EPB41L4A: variants seen among roughly 807,000 people sequenced by gnomAD.
The protein encoded by EPB41L4A is erythrocyte membrane protein band 4.1 like 4A, also known as band 4.1-like protein 4A.
In EPB41L4A, 100 loss-of-function variants were observed where a neutral mutation model predicts 108.6. The observed-to-expected ratio is 0.92, with a 90% CI of 0.78 to 1.09. EPB41L4A has a LOEUF of 1.09. Among genes scored for constraint, EPB41L4A ranks in the 50% least tolerant of loss-of-function variants. The pLI, the probability that EPB41L4A is intolerant of heterozygous loss-of-function variation, is 0.00. For missense variants in EPB41L4A, 1,030 were observed against 842.7 expected (o/e 1.22, Z -2.75); for synonymous variants, 319 against 289.0 (o/e 1.10, Z -1.05).
At chr5:112,180,739 A>G (rs1449726773) in intron 18 of EPB41L4A, among the ~76,000 whole-genome samples, 1 of 152,066 alleles carries the variant, frequency 6.6e-6, no homozygotes, top group East Asian at 1.9e-4. Flanking sequence ...CTGCTCATCA[A>G]AAAGCAATGT....
chr5:112,239,862 T>A (rs562267479), intron 10 of EPB41L4A, 125 bp from the exon 11 acceptor site: 3 of 508,164 alleles, frequency 5.9e-6, no homozygotes, highest in Non-Finnish European at 1.0e-5. Context: ...TTCTCCAACA[T>A]CATGCAATTC....
downstream of EPB41L4A, chr5:112,160,938 C>G (rs1759852942): frequency 6.4e-6 from 1 of 156,502 alleles, no homozygotes. Flanking sequence ...GCTGTGGCCG[C>G]GTGGTCTCTC....
chr5:112,356,215 G>C (rs1056830234), intron 1 of EPB41L4A, among the ~76,000 whole-genome samples: 14 of 152,224 alleles, frequency 9.2e-5, no homozygotes, highest in Admixed American at 9.2e-4. Flanking sequence ...CAACAGATAG[G>C]AATGACCAAC....
chr5:112,163,299 G>A lies in EPB41L4A; in HGVS notation c.*1691C>T, dbSNP rs1760029505. On this transcript the variant is annotated 3_prime_UTR_variant, in exon 23 of 23. Transcript: ENST00000261486. The stretch of plus-strand genomic sequence containing the variant: ...GCATAATGACCCTAGATTCAGCTGG[G>A]GAGCAGCATTTAAACAGCTGAATTT... 6.6e-6 allele frequency: 1 copy of A among 152,180 alleles called. No individual in the cohort carries two copies. The highest frequency in any genetic ancestry group is 2.4e-5 in the African/African-American group (1 of 41,436). The allele number at this position is 152,180 out of a possible 1,614,324, so 9.4% of individuals were successfully genotyped here. A position where few individuals can be genotyped will look rare whatever the true frequency, so the allele number is the denominator to read the frequency against.
intron 16 of EPB41L4A, among the ~76,000 whole-genome samples, 166 bp from the exon 17 acceptor site, chr5:112,194,811 G>A (rs1561465172): frequency 6.6e-6 from 1 of 152,138 alleles, no homozygotes; most frequent in African/African-American, 2.4e-5. Context: ...TCTGAACTCA[G>A]TAAGACATCT....
chr5:112,147,130 T>G (rs986979836), intron 12 of EPB41L4A, among the ~76,000 whole-genome samples: 6 of 151,780 alleles, frequency 4.0e-5, no homozygotes, highest in Non-Finnish European at 8.8e-5. Flanking sequence ...CTGGTGGTTT[T>G]CTACATGTAG....
At chr5:112,374,932 C>T (rs756434318) in intron 1 of EPB41L4A, among the ~76,000 whole-genome samples, 29 of 152,180 alleles carry the variant, frequency 1.9e-4, no homozygotes, top group Non-Finnish European at 3.4e-4. Context: ...TTAAAAACCA[C>T]AAGGTGATGT....
At position 112,271,993 on chromosome 5, in the gene EPB41L4A, G is replaced by A. The variant is rs574705529; in HGVS notation, c.335+3333C>T. Among the ~76,000 whole-genome samples, 37 of 152,104 alleles carry A rather than the reference G, an allele frequency of 2.4e-4. 2 individuals are homozygous for A. The South Asian group carries it at 7.1e-3, about 29-fold the overall frequency. ...ACTCCAAGTTGATGATTCTATTAACGTACATTTTTCATAATCTGAAACTTT... is the reference window on the plus strand; with the variant it reads ...ACTCCAAGTTGATGATTCTATTAACATACATTTTTCATAATCTGAAACTTT... On this transcript the variant is annotated intron_variant, in intron 4 of 22. Transcript: ENST00000261486.
At chr5:112,170,216 T>C in intron 20 of EPB41L4A, 85 bp downstream of exon 20, 2 of 1,334,028 alleles carry the variant, frequency 1.5e-6, no homozygotes, top group East Asian at 4.7e-5. Flanking sequence ...ATTAAAGCAC[T>C]GTCTGGAACA....
chr5:112,328,969 A>G (rs1756373042), intron 1 of EPB41L4A, among the ~76,000 whole-genome samples: 2 of 152,250 alleles, frequency 1.3e-5, no homozygotes, highest in Admixed American at 6.5e-5. Flanking sequence ...CAAAATGTAC[A>G]GTGAAATAGT....
At chr5:112,301,900 T>C (rs1425932762) in intron 2 of EPB41L4A, among the ~76,000 whole-genome samples, 2 of 152,026 alleles carry the variant, frequency 1.3e-5, no homozygotes, top group Non-Finnish European at 2.9e-5. Flanking sequence ...ATTATGGATA[T>C]ATGTTTTTTA....
At chr5:112,320,113 G>T (rs1048930064) in intron 1 of EPB41L4A, among the ~76,000 whole-genome samples, 4 of 152,112 alleles carry the variant, frequency 2.6e-5, no homozygotes, top group Admixed American at 6.6e-5. Context: ...CCTATTCAAG[G>T]CACTTGAGAA....
chr5:112,354,914 C>A (rs1374252058), intron 1 of EPB41L4A, among the ~76,000 whole-genome samples: 1 of 151,958 alleles, frequency 6.6e-6, no homozygotes, highest in Non-Finnish European at 1.5e-5. Flanking sequence ...TTAATAATGA[C>A]AGTATGCTAC....
intron 9 of EPB41L4A, among the ~76,000 whole-genome samples, chr5:112,252,121 G>C (rs538950573): frequency 6.6e-6 from 1 of 152,288 alleles, no homozygotes; most frequent in East Asian, 1.9e-4. Flanking sequence ...TAAAATGAGG[G>C]AGAGTAAGGA....
intron 1 of EPB41L4A, among the ~76,000 whole-genome samples, chr5:112,339,490 A>C (rs78114426): frequency 0.48 from 57,160 of 119,458 alleles, 12,690 homozygotes; most frequent in South Asian, 0.67. Flanking sequence ...ATATATATAT[A>C]TATATCTATA....
At chr5:112,234,847 G>A in intron 11 of EPB41L4A, 92 bp from the exon 12 acceptor site, 22 of 1,383,732 alleles carry the variant, frequency 1.6e-5, no homozygotes, top group Admixed American at 4.2e-5. Context: ...CAAATATGGA[G>A]AGAAGAAAAA....
At chr5:112,174,008 G>C (rs989681679) in intron 18 of EPB41L4A, among the ~76,000 whole-genome samples, 2 of 152,156 alleles carry the variant, frequency 1.3e-5, no homozygotes, top group African/African-American at 2.4e-5. Flanking sequence ...GGTCCTAAAA[G>C]ATTGAAGAGT....
At chr5:112,396,088 G>A (rs1322114852) in intron 1 of EPB41L4A, among the ~76,000 whole-genome samples, 2 of 152,050 alleles carry the variant, frequency 1.3e-5, no homozygotes, top group Non-Finnish European at 2.9e-5. Flanking sequence ...ATCACCCACT[G>A]GGGCCTGTCG....
intron 1 of EPB41L4A, among the ~76,000 whole-genome samples, chr5:112,359,393 T>C (rs1210287279): frequency 4.6e-5 from 7 of 152,196 alleles, no homozygotes; most frequent in Admixed American, 3.9e-4. Context: ...TTATCCAATA[T>C]ATAGCTGATT....
Sources: gnomAD v4.1 joint callset for allele counts (sites outside exome capture counted in the v4.1 genomes callset) on GRCh38, gnomAD v4.1.1 for gene constraint, MANE v1.5 for transcripts, NCBI Gene and HGNC (gene_info 2026-07-23, HGNC 2026-07-21) for gene names.